HMGCLL1: variants seen among roughly 807,000 people sequenced by gnomAD.
HMGCLL1 encodes the protein 3-hydroxymethyl-3-methylglutaryl-CoA lyase, cytoplasmic.
A neutral mutation model predicts 39.1 loss-of-function variants in HMGCLL1; 36 were observed. The ratio of observed to expected loss-of-function variants is 0.92; its 90% CI spans 0.71 to 1.22. The LOEUF (loss-of-function observed/expected upper bound fraction) is 1.22, where lower values mean the gene tolerates loss of function less well. Ranked by LOEUF, HMGCLL1 falls within the 50% of genes most tolerant of loss-of-function variation. The probability of loss-of-function intolerance (pLI) is 0.00; values close to 1 mark genes in which losing one functional copy is unlikely to be tolerated. For missense variants in HMGCLL1, 451 were observed against 416.5 expected, an observed-to-expected ratio of 1.08 and a Z score of -0.72; for synonymous variants, 149 against 144.0, an observed-to-expected ratio of 1.03 and a Z score of -0.25.
the HMGCLL1 span, among the ~76,000 whole-genome samples, chr6:55,640,294 G>A: frequency 9.9e-5 from 15 of 151,962 alleles, no homozygotes; most frequent in African/African-American, 3.6e-4. Context: ...TGCATTAACA[G>A]GATAACAAGT....
intron 7 of HMGCLL1, among the ~76,000 whole-genome samples, chr6:55,451,582 CAAAA>C (rs60798450): frequency 2.0e-5 from 3 of 150,754 alleles, no homozygotes; most frequent in Non-Finnish European, 4.4e-5. Context: ...AAAACAAAAA[CAAAA>C]AAAGTCACTT....
the HMGCLL1 span, among the ~76,000 whole-genome samples, chr6:55,606,535 C>T: frequency 6.6e-6 from 1 of 151,956 alleles, no homozygotes; most frequent in Non-Finnish European, 1.5e-5. Context: ...TTTATTTGCT[C>T]TTCTATACAG....
the HMGCLL1 span, among the ~76,000 whole-genome samples, chr6:55,665,513 T>C: frequency 6.6e-6 from 1 of 151,730 alleles, no homozygotes; most frequent in Non-Finnish European, 1.5e-5. Context: ...GAGATTCCAA[T>C]GCTGAAACAA....
intron 3 of HMGCLL1, among the ~76,000 whole-genome samples, chr6:55,517,204 T>C (rs1234818401): frequency 1.3e-5 from 2 of 152,062 alleles, no homozygotes; most frequent in African/African-American, 4.8e-5. Context: ...AGTTTTCACC[T>C]GAAAAATTTA....
rs1419456178 is a variant in HMGCLL1, at chr6:55,567,861, C to T, written c.108+11087G>A. ...TGCTCTCTCAACCAGGAAAGTAAACCTCAGTTCCTTGTATTAAAAATGTGT... is the reference window on the plus strand; with the variant it reads ...TGCTCTCTCAACCAGGAAAGTAAACTTCAGTTCCTTGTATTAAAAATGTGT... On this transcript the variant is annotated intron_variant, in intron 1 of 8. Transcript: ENST00000274901. 2.6e-5 allele frequency among the ~76,000 whole-genome samples: 4 copies of T among 152,278 alleles called. 1 individual carries two copies. In the East Asian group the frequency reaches 5.8e-4, roughly 22 times the overall value.
chr6:55,454,789 C>A (rs879811390), intron 7 of HMGCLL1, among the ~76,000 whole-genome samples: 2 of 152,174 alleles, frequency 1.3e-5, no homozygotes, highest in Non-Finnish European at 2.9e-5. Context: ...ATAGGAGGAA[C>A]TTGAAATCTG....
chr6:55,671,996 G>C, the HMGCLL1 span, among the ~76,000 whole-genome samples: 440 of 151,788 alleles, frequency 2.9e-3, 1 homozygote, highest in African/African-American at 0.01. Flanking sequence ...ATATGCTCCT[G>C]ATTAGCCCAG....
At chr6:55,551,215 T>C (rs972855233) in intron 1 of HMGCLL1, among the ~76,000 whole-genome samples, 5 of 151,818 alleles carry the variant, frequency 3.3e-5, no homozygotes, top group Admixed American at 2.6e-4. Context: ...ATACCAAAAA[T>C]TTCAGATTCT....
At chr6:55,441,536 A>G (rs1403298165) in intron 7 of HMGCLL1, among the ~76,000 whole-genome samples, 4 of 152,110 alleles carry the variant, frequency 2.6e-5, no homozygotes, top group African/African-American at 9.7e-5. Flanking sequence ...AGACTTTTAA[A>G]ATGACATTTC....
At chr6:55,642,837 T>C in the HMGCLL1 span, among the ~76,000 whole-genome samples, 2 of 152,038 alleles carry the variant, frequency 1.3e-5, no homozygotes, top group African/African-American at 2.4e-5. Flanking sequence ...TTCCCCTCTT[T>C]GTGTTAATAT....
upstream of HMGCLL1, among the ~76,000 whole-genome samples, chr6:55,580,807 C>T (rs1000318250): frequency 6.6e-6 from 1 of 152,070 alleles, no homozygotes; most frequent in African/African-American, 2.4e-5. Context: ...ACCAAAACTC[C>T]GGTTGTTATT....
intron 1 of HMGCLL1, among the ~76,000 whole-genome samples, chr6:55,564,164 G>A (rs1456948625): frequency 6.6e-6 from 1 of 151,956 alleles, no homozygotes; most frequent in East Asian, 1.9e-4. Flanking sequence ...TTATGGGTGG[G>A]GTTGTGGGTA....
chr6:55,616,229 C>T, the HMGCLL1 span, among the ~76,000 whole-genome samples: 2 of 152,060 alleles, frequency 1.3e-5, no homozygotes, highest in African/African-American at 4.8e-5. Context: ...AGAACATTCA[C>T]AAACATGATA....
At chr6:55,495,288 A>G (rs4538708) in intron 7 of HMGCLL1, 131 bp downstream of exon 7, 476,825 of 701,826 alleles carry the variant, frequency 0.68, 162,716 homozygotes, top group Non-Finnish European at 0.7. Context: ...CCTGTCATGT[A>G]CAGACACTGG....
the HMGCLL1 span, among the ~76,000 whole-genome samples, chr6:55,670,352 T>TA: frequency 4.9e-4 from 75 of 151,538 alleles, no homozygotes; most frequent in Middle Eastern, 6.8e-3. Flanking sequence ...AAAGAATTGT[T>TA]AAAAAAAAGT....
the HMGCLL1 span, among the ~76,000 whole-genome samples, chr6:55,663,187 A>C: frequency 6.7e-6 from 1 of 149,510 alleles, no homozygotes; most frequent in East Asian, 2.0e-4. Flanking sequence ...AATCTCCTTC[A>C]GTTCCGCTCT....
chr6:55,541,683 G>T (rs375182001), intron 3 of HMGCLL1, 46 bp downstream of exon 3: 2 of 918,992 alleles, frequency 2.2e-6, no homozygotes, highest in Non-Finnish European at 3.4e-6. Context: ...ATATTTTTTG[G>T]TGAAGTTGAA....
upstream of HMGCLL1, chr6:55,579,270 C>A: frequency 3.4e-6 from 2 of 589,380 alleles, no homozygotes; most frequent in Non-Finnish European, 3.0e-6. Flanking sequence ...GCACGGGGCA[C>A]CTGCGGGAAT....
chr6:55,627,344 T>C, the HMGCLL1 span, among the ~76,000 whole-genome samples: 12 of 152,218 alleles, frequency 7.9e-5, no homozygotes, highest in South Asian at 2.1e-4. Flanking sequence ...GGTTGACTTA[T>C]GTAATAGTAT....
Sources: gnomAD v4.1 joint callset for allele counts (sites outside exome capture counted in the v4.1 genomes callset) on GRCh38, gnomAD v4.1.1 for gene constraint, MANE v1.5 for transcripts, NCBI Gene and HGNC (gene_info 2026-07-23, HGNC 2026-07-21) for gene names.